The following SLC6A11 variants were observed in gnomAD, a reference collection of about 807,000 sequenced individuals.
The protein encoded by SLC6A11 is sodium- and chloride-dependent GABA transporter 3.
SLC6A11 carries 25 observed loss-of-function variants against 74.8 expected under a neutral mutation model. That is an observed-to-expected ratio of 0.33 (90% CI 0.24 to 0.47). The LOEUF (loss-of-function observed/expected upper bound fraction) is 0.47, where lower values mean the gene tolerates loss of function less well. SLC6A11 is among the 20% of genes least tolerant of loss of function. SLC6A11 has a pLI of 1.00. For synonymous variants in SLC6A11, 330 were observed against 330.2 expected, an observed-to-expected ratio of 1.00 and a Z score of 0.01; for missense variants, 574 against 837.0, an observed-to-expected ratio of 0.69 and a Z score of 3.88.
chr3:10,849,165 A>G (rs529833436), intron 5 of SLC6A11, among the ~76,000 whole-genome samples: 2 of 152,180 alleles, frequency 1.3e-5, no homozygotes, highest in South Asian at 2.1e-4. Context: ...TCTCCTATGG[A>G]AAAAAAAGCC....
chr3:10,824,227 A>G (rs1694175163), intron 4 of SLC6A11: 1 of 152,166 alleles, frequency 6.6e-6, no homozygotes, highest in Non-Finnish European at 1.5e-5. Context: ...GTTTGTTTTA[A>G]AGGTAGAAGG....
chr3:10,933,309 C>T (rs1278757419), intron 11 of SLC6A11, 56 bp downstream of exon 11: 20 of 1,257,072 alleles, frequency 1.6e-5, no homozygotes, highest in Non-Finnish European at 2.1e-5. Flanking sequence ...ACCCAGGATC[C>T]TGGTGCTTGG....
At chr3:10,829,429 C>T (rs1204848782) in intron 4 of SLC6A11, among the ~76,000 whole-genome samples, 1 of 152,202 alleles carries the variant, frequency 6.6e-6, no homozygotes, top group Non-Finnish European at 1.5e-5. Context: ...TTCATGCCTC[C>T]TGATTCAGCA....
intron 5 of SLC6A11, among the ~76,000 whole-genome samples, chr3:10,859,978 G>A (rs575570276): frequency 6.6e-6 from 1 of 152,282 alleles, no homozygotes; most frequent in South Asian, 2.1e-4. Context: ...GTTTTCTGGG[G>A]TATTTTTTGG....
In SLC6A11 at chr3:10,926,178, G is replaced by T. The variant is rs41304868; in HGVS notation, c.1233+62G>T. 8.9e-7 allele frequency: 1 copy of T among 1,125,404 alleles called. No individual in the cohort carries two copies. 69.7% of individuals were successfully genotyped at this position (1,125,404 alleles called of 1,614,324 possible). A position where few individuals can be genotyped will look rare whatever the true frequency, so the allele number is the denominator to read the frequency against. On this transcript the variant is annotated intron_variant, in intron 9 of 13. Coordinates refer to ENST00000254488, the MANE Select transcript of SLC6A11 (RefSeq NM_014229.3). The surrounding 1 kb of genome is among the most constrained non-coding windows in gnomAD (Gnocchi z 5.7). ...GGGAGCCTGGGCCAGGAGGCCAGAC[G>T]CCACCCTTAGGAGTGGCTCCCCAGG...
At chr3:10,886,820 A>AT (rs1377685850) in intron 6 of SLC6A11, among the ~76,000 whole-genome samples, 3 of 151,662 alleles carry the variant, frequency 2.0e-5, no homozygotes, top group African/African-American at 7.3e-5. Context: ...AAAAAAAAAA[A>AT]AAAAATCTCT....
At chr3:10,912,302 A>G in intron 7 of SLC6A11, 109 bp downstream of exon 7, 1 of 756,374 alleles carries the variant, frequency 1.3e-6, no homozygotes, top group Non-Finnish European at 2.3e-6. Context: ...CCAGGAGGAG[A>G]TAGATAGGCT....
intron 8 of SLC6A11, among the ~76,000 whole-genome samples, chr3:10,922,846 C>T (rs1456370480): frequency 2.0e-5 from 3 of 152,122 alleles, no homozygotes; most frequent in African/African-American, 7.2e-5. Context: ...GAAACAGCAT[C>T]TTGACTGGAT....
At chr3:10,936,822 C>T (rs1255960166) in intron 13 of SLC6A11, among the ~76,000 whole-genome samples, 1 of 152,218 alleles carries the variant, frequency 6.6e-6, no homozygotes, top group Non-Finnish European at 1.5e-5. Context: ...GCTAAATCCT[C>T]CAGAGATCAT....
chr3:10,896,223 C>T (rs1209684779), intron 6 of SLC6A11, among the ~76,000 whole-genome samples: 1 of 152,328 alleles, frequency 6.6e-6, no homozygotes, highest in Middle Eastern at 3.4e-3. Flanking sequence ...GAGGCCAGCT[C>T]CTCCCAGGGC....
chr3:10,895,662 T>TG (rs1695162244), intron 6 of SLC6A11, among the ~76,000 whole-genome samples: 1 of 152,068 alleles, frequency 6.6e-6, no homozygotes, highest in Non-Finnish European at 1.5e-5. Flanking sequence ...ACTACCTAGG[T>TG]GATGGGTTGG....
At chr3:10,826,015 T>A (rs996904504) in intron 4 of SLC6A11, among the ~76,000 whole-genome samples, 5 of 152,380 alleles carry the variant, frequency 3.3e-5, no homozygotes, top group Admixed American at 6.5e-5. Flanking sequence ...ATCAGTTTGT[T>A]GAATTAAACA....
chr3:10,855,386 A>T (rs1442809364), intron 5 of SLC6A11, among the ~76,000 whole-genome samples: 1 of 152,054 alleles, frequency 6.6e-6, no homozygotes, highest in South Asian at 2.1e-4. Context: ...TCCATCCCTT[A>T]CTTCTTCATC....
chr3:10,914,469 A>G (rs1695428639), intron 7 of SLC6A11, among the ~76,000 whole-genome samples: 1 of 151,904 alleles, frequency 6.6e-6, no homozygotes, highest in Non-Finnish European at 1.5e-5. Context: ...AATCAAGACA[A>G]TGGGGAAGTT....
chr3:10,874,507 T>C (rs1270952868), intron 5 of SLC6A11, among the ~76,000 whole-genome samples: 1 of 152,196 alleles, frequency 6.6e-6, no homozygotes, highest in Non-Finnish European at 1.5e-5. Flanking sequence ...TCCTTTTTAA[T>C]TTTATTTATT....
chr3:10,899,677 G>A (rs1329147903), intron 6 of SLC6A11, among the ~76,000 whole-genome samples: 1 of 152,174 alleles, frequency 6.6e-6, no homozygotes. Context: ...GCCACTTTCT[G>A]CCAGCCTTCC....
chr3:10,920,757 G>C (rs1160977803), intron 8 of SLC6A11, among the ~76,000 whole-genome samples: 1 of 152,172 alleles, frequency 6.6e-6, no homozygotes, highest in African/African-American at 2.4e-5. Flanking sequence ...AAGATGAAGT[G>C]GTTCATCCAA....
chr3:10,881,004 G>T (rs1281344137), intron 6 of SLC6A11, among the ~76,000 whole-genome samples: 1 of 152,180 alleles, frequency 6.6e-6, no homozygotes, highest in African/African-American at 2.4e-5. Flanking sequence ...GATGAGACCA[G>T]AAGTTCTCCT....
chr3:10,933,070 C>A, intron 10 of SLC6A11, 81 bp from the exon 11 acceptor site: 1 of 951,060 alleles, frequency 1.1e-6, no homozygotes, highest in Non-Finnish European at 1.7e-6. Context: ...AGAGAGGGAC[C>A]TTCCTGAGGC....
Sources: gnomAD v4.1 joint callset for allele counts (sites outside exome capture counted in the v4.1 genomes callset) on GRCh38, gnomAD v4.1.1 for gene constraint, Gnocchi (gnomAD v3.1) non-coding constraint, MANE v1.5 for transcripts, NCBI Gene and HGNC (gene_info 2026-07-23, HGNC 2026-07-21) for gene names.